Variants in CCDC50 observed in about 807,000 individuals in gnomAD.
CCDC50 encodes coiled-coil domain containing 50, also known as coiled-coil domain-containing protein 50.
CCDC50 carries 54 observed loss-of-function variants against 70.2 expected under a neutral mutation model. That is an observed-to-expected ratio of 0.77 (90% CI 0.62 to 0.96). CCDC50 has a LOEUF of 0.96. Among genes scored for constraint, CCDC50 ranks in the 50% least tolerant of loss-of-function variants. The pLI is 0.00. For synonymous variants in CCDC50, 216 were observed against 198.8 expected, an observed-to-expected ratio of 1.09 and a Z score of -0.73; for missense variants, 558 against 578.7, an observed-to-expected ratio of 0.96 and a Z score of 0.37.
chr3:191,385,365 T>G (rs531458387), intron 10 of CCDC50, among the ~76,000 whole-genome samples: 46 of 152,366 alleles, frequency 3.0e-4, no homozygotes, highest in African/African-American at 1.1e-3. Flanking sequence ...CTAATTGTTG[T>G]CAGATAGTAT....
intron 5 of CCDC50, 42 bp from the exon 6 acceptor site, chr3:191,375,019 TA>T (rs1308595432): frequency 1.3e-6 from 2 of 1,598,342 alleles, no homozygotes; most frequent in Non-Finnish European, 1.7e-6. Flanking sequence ...CTCATTAAAT[TA>T]ATCTGCATTT....
At chr3:191,379,703 C>T (rs910286502) in intron 6 of CCDC50, among the ~76,000 whole-genome samples, 9 of 152,104 alleles carry the variant, frequency 5.9e-5, no homozygotes, top group Admixed American at 1.3e-4. Flanking sequence ...CCTGCTCCCT[C>T]GGAAGTAGTA....
chr3:191,392,101 G>A lies in CCDC50; in HGVS notation c.*341G>A, dbSNP rs992382929. 4.4e-6 allele frequency: 1 copy of A among 225,926 alleles called. No individual in the cohort carries two copies. The highest frequency in any genetic ancestry group is 2.3e-5 in the African/African-American group (1 of 44,002). 14.0% of individuals were successfully genotyped at this position (225,926 alleles called of 1,614,324 possible). ...CTTATTTAGCAATTCAAATTTTATGGAGATGAATGATCAAAGTGAAACAAT... is the reference window on the plus strand; with the variant it reads ...CTTATTTAGCAATTCAAATTTTATGAAGATGAATGATCAAAGTGAAACAAT... On this transcript the variant is annotated 3_prime_UTR_variant, in exon 12 of 12. Transcript: ENST00000392455.
intron 10 of CCDC50, among the ~76,000 whole-genome samples, chr3:191,388,124 T>C (rs1713559041): frequency 6.9e-6 from 1 of 144,926 alleles, no homozygotes; most frequent in South Asian, 2.2e-4. Flanking sequence ...CATTATTCAC[T>C]ATGTTTCCAT....
chr3:191,359,013 T>G (rs1712393283), intron 3 of CCDC50, among the ~76,000 whole-genome samples: 1 of 152,226 alleles, frequency 6.6e-6, no homozygotes, highest in Non-Finnish European at 1.5e-5. Flanking sequence ...AAATAAACAC[T>G]TTTATTGATT....
In CCDC50 at chr3:191,396,120, CAAGA is replaced by C. The variant is rs1348409186; in HGVS notation, c.*4369_*4372del. ...TGCTGAAATTTAATTGTAGAGAAGT[CAAGA>C]AAGAAAGAGTAAACTGAGAAAATCT... is the stretch of plus-strand genomic sequence containing the variant. On this transcript the variant is annotated 3_prime_UTR_variant, in exon 12 of 12. Transcript: ENST00000392455. The C allele has an allele frequency of 6.6e-6, 1 of 152,092 alleles. No homozygotes were observed. The highest frequency in any genetic ancestry group is 1.5e-5 in the Non-Finnish European group (1 of 68,006). 9.4% of individuals were successfully genotyped at this position (152,092 alleles called of 1,614,324 possible). A position where few individuals can be genotyped will look rare whatever the true frequency, so the allele number is the denominator to read the frequency against.
rs752584070 is a variant in CCDC50 at position 191,375,199 on chromosome 3, C to G, written c.586C>G (p.Gln196Glu). The stretch of plus-strand genomic sequence containing the variant: ...ACTGGAGAACTTGGAAGAGCCAGAA[C>G]AACATTGTTCATCGAAGAGATCCCT... ...HPLENLEEPE[Q>E]HCSSKRSLSS... Residue 196 changes from glutamine (Q) to glutamate (E), a missense_variant, in exon 6 of 12, where the codon CAA (glutamine) becomes GAA (glutamate). Gln to Glu is a conservative substitution (Grantham distance 29, BLOSUM62 2). Coordinates refer to ENST00000392455, the MANE Select transcript of CCDC50 (RefSeq NM_178335.3). 6 of 1,613,628 alleles carry G rather than the reference C, an allele frequency of 3.7e-6. No individual in the cohort carries two copies. The highest frequency in any genetic ancestry group is 8.5e-7 in the Non-Finnish European group (1 of 1,179,808).
intron 4 of CCDC50, among the ~76,000 whole-genome samples, chr3:191,361,523 C>G (rs1712487234): frequency 1.3e-5 from 2 of 152,156 alleles, no homozygotes. Flanking sequence ...AGGATCCTTC[C>G]TTGCCTCTTC....
rs956300750 is a variant in CCDC50, at chr3:191,347,814, A to C, written c.50-9274A>C. Among the ~76,000 whole-genome samples the C allele has an allele frequency of 8.4e-5, 12 of 142,408 alleles. 1 individual carries two copies. The highest frequency in any genetic ancestry group is 1.3e-4 in the Non-Finnish European group (8 of 63,060). 93.4% of individuals were successfully genotyped at this position (142,408 alleles called of 152,430 possible). ...CATAGCCTTGTTTCAGATAAGCTGGAGGATGTGGATGAATGAATATGCTGG... is the reference window on the plus strand; with the variant it reads ...CATAGCCTTGTTTCAGATAAGCTGGCGGATGTGGATGAATGAATATGCTGG... On this transcript the variant is annotated intron_variant, in intron 1 of 11. Transcript: ENST00000392455.
chr3:191,377,911 T>C (rs975535947), intron 6 of CCDC50, among the ~76,000 whole-genome samples: 3 of 152,178 alleles, frequency 2.0e-5, no homozygotes, highest in African/African-American at 7.2e-5. Flanking sequence ...AGAGTCTGTT[T>C]AGGATACTGA....
chr3:191,357,969 C>A (rs865954950), intron 2 of CCDC50, 29 bp from the exon 3 acceptor site: 5 of 1,613,480 alleles, frequency 3.1e-6, no homozygotes, highest in Non-Finnish European at 4.2e-6. Flanking sequence ...AGACATTATT[C>A]ATTCCTGTCC....
chr3:191,375,531 C>A lies in CCDC50; in HGVS notation c.918C>A (p.His306Gln). 6.2e-7 allele frequency: 1 copy of A among 1,613,512 alleles called. No individual in the cohort carries two copies. The highest frequency in any genetic ancestry group is 8.5e-7 in the Non-Finnish European group (1 of 1,179,770). Residue 306 changes from histidine to glutamine, a missense_variant, in exon 6 of 12, where the codon CAC becomes CAA. Transcript: ENST00000392455. ...AAGGTGAGCACAGAAAAAGGAGACA[C>A]AGGCCCAGGACTCCTCCATTCTCAG... ...HGQGEHRKRR[H>Q]RPRTPPFSES...
chr3:191,389,408 A>G, intron 10 of CCDC50, 88 bp from the exon 11 acceptor site: 1 of 1,153,118 alleles, frequency 8.7e-7, no homozygotes, highest in East Asian at 2.3e-5. Flanking sequence ...TTCACAAGAA[A>G]ATGTTTTTAG....
At chr3:191,358,364 G>C (rs149188167) in intron 3 of CCDC50, among the ~76,000 whole-genome samples, 40 of 152,300 alleles carry the variant, frequency 2.6e-4, no homozygotes, top group South Asian at 8.3e-4. Context: ...TTTTTTAGCT[G>C]TTATGACCTT....
chr3:191,380,671 A>G lies in CCDC50; in HGVS notation c.1093-16A>G, dbSNP rs1220905721. 26 of 1,610,222 alleles carry G rather than the reference A, an allele frequency of 1.6e-5. No homozygotes were observed. The highest frequency in any genetic ancestry group is 2.0e-5 in the Non-Finnish European group (24 of 1,177,630). ...TTCCAATTAAATTCTTTGTTTTTGT[A>G]TTTTCGATATCATAGGCTACCCAGG... On this transcript the variant is annotated splice_polypyrimidine_tract_variant and intron_variant, in intron 7 of 11. Transcript: ENST00000392455.
intron 1 of CCDC50, among the ~76,000 whole-genome samples, chr3:191,340,478 G>T (rs1046180640): frequency 2.0e-5 from 3 of 152,194 alleles, no homozygotes; most frequent in Non-Finnish European, 4.4e-5. Flanking sequence ...GTTTTAATCT[G>T]CATGTTAATA....
rs1422099663 is a variant in CCDC50 at position 191,382,839 on chromosome 3, T to G, written c.1322+14T>G. ...AAGGCCAGCACGGTAAGCTGACACC[T>G]GAAAAGAAAAATGAGGAAGTTGACT... is the stretch of plus-strand genomic sequence containing the variant. On this transcript the variant is annotated intron_variant, in intron 10 of 11. Coordinates refer to ENST00000392455, the MANE Select transcript of CCDC50 (RefSeq NM_178335.3). 5 of 1,587,866 alleles carry G rather than the reference T, an allele frequency of 3.1e-6. No homozygotes were observed. The highest frequency in any genetic ancestry group is 4.3e-6 in the Non-Finnish European group (5 of 1,156,648).
At chr3:191,390,880 C>T (rs918322162) in intron 11 of CCDC50, among the ~76,000 whole-genome samples, 1 of 152,182 alleles carries the variant, frequency 6.6e-6, no homozygotes, top group Non-Finnish European at 1.5e-5. Context: ...AAGATGGAGT[C>T]TCTCTGGTTC....
At chr3:191,390,687 A>C (rs1713662702) in intron 11 of CCDC50, among the ~76,000 whole-genome samples, 2 of 152,174 alleles carry the variant, frequency 1.3e-5, no homozygotes, top group African/African-American at 4.8e-5. Context: ...GAGGACAACC[A>C]GAGTTCAGAT....
Sources: allele counts gnomAD v4.1 joint callset (sites outside exome capture counted in the v4.1 genomes callset), GRCh38; gene constraint gnomAD v4.1.1; transcripts MANE v1.5; gene names NCBI Gene and HGNC (gene_info 2026-07-23, HGNC 2026-07-21).